Variants in CALN1 observed in about 807,000 individuals in gnomAD.
CALN1 encodes calcium-binding protein 8.
A neutral mutation model predicts 30.6 loss-of-function variants in CALN1; 17 were observed. That is an observed-to-expected ratio of 0.56 (90% CI 0.38 to 0.83). The LOEUF (loss-of-function observed/expected upper bound fraction) is 0.83, where lower values mean the gene tolerates loss of function less well. CALN1 is among the 40% of genes least tolerant of loss of function. CALN1 has a pLI of 0.00. For missense variants in CALN1, 291 were observed against 354.9 expected (o/e 0.82, Z 1.45); for synonymous variants, 156 against 131.4 (o/e 1.19, Z -1.28).
intron 3 of CALN1, among the ~76,000 whole-genome samples, chr7:72,225,850 C>A (rs1443465645): frequency 6.6e-6 from 1 of 152,132 alleles, no homozygotes; most frequent in Non-Finnish European, 1.5e-5. Context: ...GTAATCCCAG[C>A]ACTTTGGGAG....
chr7:72,056,617 C>T (rs1019415599), intron 4 of CALN1, among the ~76,000 whole-genome samples: 1 of 151,642 alleles, frequency 6.6e-6, no homozygotes, highest in African/African-American at 2.4e-5. Flanking sequence ...AAAGGAATAA[C>T]AAAAAAATAG....
chr7:72,338,419 GTT>G (rs1049254833), intron 2 of CALN1, among the ~76,000 whole-genome samples: 23 of 151,002 alleles, frequency 1.5e-4, no homozygotes, highest in Non-Finnish European at 2.9e-5. Flanking sequence ...CCTCTCCACT[GTT>G]TGGTTCAACT....
intron 4 of CALN1, among the ~76,000 whole-genome samples, chr7:72,084,885 G>A (rs562143047): frequency 1.3e-5 from 2 of 152,248 alleles, no homozygotes; most frequent in Admixed American, 1.3e-4. Context: ...CAATTCATAA[G>A]TCTTCAACTG....
In CALN1 at chr7:72,092,443, C is replaced by CA. The variant is rs574254760; in HGVS notation, c.388+13707_388+13708insT. Among the ~76,000 whole-genome samples the CA allele has an allele frequency of 1.9e-3, 293 of 151,958 alleles. 2 individuals carry two copies. The highest frequency in any genetic ancestry group is 6.7e-3 in the African/African-American group (279 of 41,424). On this transcript the variant is annotated intron_variant, in intron 4 of 6. Coordinates refer to ENST00000395275, the MANE Select transcript of CALN1 (RefSeq NM_031468.4). ...ACAAAATTTATAACACACACACACA[C>CA]CCACACACACATATATACACACATT...
chr7:72,444,175 A>C (rs10434960), intron 1 of CALN1, among the ~76,000 whole-genome samples: 19,716 of 151,560 alleles, frequency 0.13, 2,236 homozygotes, highest in East Asian at 0.31. Context: ...CAGAGCGGTT[A>C]TCCCGTTTCA....
intron 5 of CALN1, 136 bp downstream of exon 5, chr7:72,023,521 C>G (rs1016229597): frequency 9.7e-6 from 5 of 516,156 alleles, no homozygotes; most frequent in Non-Finnish European, 1.6e-5. Context: ...TGTTTTGATT[C>G]TTTGTTCTGG....
At chr7:71,901,178 A>T (rs187729080) in intron 5 of CALN1, among the ~76,000 whole-genome samples, 1 of 152,220 alleles carries the variant, frequency 6.6e-6, no homozygotes, top group Non-Finnish European at 1.5e-5. Context: ...TACCAAAATA[A>T]TAACAATAAA....
At chr7:72,031,628 T>C (rs1208780348) in intron 4 of CALN1, among the ~76,000 whole-genome samples, 1 of 152,006 alleles carries the variant, frequency 6.6e-6, no homozygotes, top group Admixed American at 6.6e-5. Flanking sequence ...AGTGCAGTGG[T>C]GCAATCATAG....
chr7:72,434,803 CT>C (rs1023407117), intron 1 of CALN1, among the ~76,000 whole-genome samples: 5 of 152,216 alleles, frequency 3.3e-5, no homozygotes, highest in African/African-American at 1.2e-4. Flanking sequence ...GCAGGAAAAA[CT>C]TTTTTGCTGC....
intron 6 of CALN1, among the ~76,000 whole-genome samples, chr7:71,803,811 T>A (rs1454902976): frequency 6.6e-6 from 1 of 151,952 alleles, no homozygotes; most frequent in African/African-American, 2.4e-5. Context: ...CAGCTTGGAG[T>A]TTCATCCCAT....
At chr7:71,904,088 T>A (rs1386877341) in intron 5 of CALN1, among the ~76,000 whole-genome samples, 1 of 152,144 alleles carries the variant, frequency 6.6e-6, no homozygotes, top group African/African-American at 2.4e-5. Context: ...GAAACCCTTA[T>A]AAACTGTTTG....
chr7:72,154,336 T>A (rs1787494531), intron 3 of CALN1, among the ~76,000 whole-genome samples: 1 of 152,062 alleles, frequency 6.6e-6, no homozygotes, highest in African/African-American at 2.4e-5. Context: ...CTCTCAAAGC[T>A]CGCCATCTAC....
chr7:72,375,578 A>AG (rs949591463), intron 2 of CALN1, among the ~76,000 whole-genome samples: 6 of 151,402 alleles, frequency 4.0e-5, no homozygotes, highest in African/African-American at 1.5e-4. Context: ...GAAAAAAAAA[A>AG]AAAAGAAAAG....
chr7:72,206,753 T>C (rs984015439), intron 3 of CALN1, among the ~76,000 whole-genome samples: 3 of 152,234 alleles, frequency 2.0e-5, no homozygotes, highest in Admixed American at 1.3e-4. Context: ...GTTTATCTCC[T>C]TTCACATTGC....
intron 5 of CALN1, among the ~76,000 whole-genome samples, chr7:71,905,230 T>C (rs1422346786): frequency 6.6e-6 from 1 of 152,180 alleles, no homozygotes; most frequent in Non-Finnish European, 1.5e-5. Flanking sequence ...TGAGCCATCG[T>C]GCCTGGCCTA....
chr7:72,438,865 A>G (rs941979994), intron 1 of CALN1, among the ~76,000 whole-genome samples: 2 of 152,220 alleles, frequency 1.3e-5, no homozygotes, highest in African/African-American at 4.8e-5. Context: ...TTACACACAT[A>G]TAAATTTGCA....
intron 5 of CALN1, among the ~76,000 whole-genome samples, chr7:71,864,232 T>C (rs1791462277): frequency 6.6e-6 from 1 of 152,204 alleles, no homozygotes; most frequent in African/African-American, 2.4e-5. Flanking sequence ...CACTTGAGGA[T>C]GGGATATCAC....
chr7:72,174,555 T>C (rs115292481), intron 3 of CALN1, among the ~76,000 whole-genome samples: 4,040 of 152,160 alleles, frequency 0.027, 187 homozygotes, highest in African/African-American at 0.091. Flanking sequence ...ATCCACACCA[T>C]AGAATATCAC....
At chr7:72,059,689 C>T (rs1361563593) in intron 4 of CALN1, among the ~76,000 whole-genome samples, 1 of 152,118 alleles carries the variant, frequency 6.6e-6, no homozygotes, top group Non-Finnish European at 1.5e-5. Flanking sequence ...TTTGGTGAAT[C>T]CTTACAGCAT....
Sources: allele counts gnomAD v4.1 joint callset (sites outside exome capture counted in the v4.1 genomes callset), GRCh38; gene constraint gnomAD v4.1.1; transcripts MANE v1.5; gene names NCBI Gene and HGNC (gene_info 2026-07-23, HGNC 2026-07-21).